The following ZNF283 variants were observed in gnomAD, a reference collection of about 807,000 sequenced individuals.
ZNF283 encodes the protein zinc finger protein 283.
A neutral mutation model predicts 9.2 loss-of-function variants in ZNF283; 10 were observed. The observed-to-expected ratio is 1.09, with a 90% CI of 0.67 to 1.85. ZNF283 has a LOEUF of 1.85. Ranked by LOEUF, ZNF283 falls within the 40% of genes most tolerant of loss-of-function variation. ZNF283 has a pLI of 0.00. For missense variants in ZNF283, 631 were observed against 760.1 expected (o/e 0.83, Z 2.00); for synonymous variants, 234 against 244.1 (o/e 0.96, Z 0.38).
chr19:43,836,055 A>G (rs956934736), intron 5 of ZNF283, among the ~76,000 whole-genome samples: 36 of 152,200 alleles, frequency 2.4e-4, no homozygotes, highest in African/African-American at 8.4e-4. Context: ...AACAGATAAG[A>G]TGATGCCTAA....
chr19:43,846,840 C>A, intron 6 of ZNF283, 99 bp from the exon 7 acceptor site: 1 of 931,696 alleles, frequency 1.1e-6, no homozygotes, highest in Non-Finnish European at 1.5e-6. Flanking sequence ...GGAGTGAGTT[C>A]AGTAAGTCTC....
chr19:43,841,027 A>G (rs1971191111), intron 6 of ZNF283: 2 of 151,938 alleles, frequency 1.3e-5, no homozygotes, highest in African/African-American at 2.4e-5. Flanking sequence ...TTCCAGCTCA[A>G]TTGTTGCTTT....
rs1445481610 is a variant in ZNF283 at position 43,851,676 on chromosome 19, C to T, written c.*3035C>T. 3 of 152,326 alleles carry T rather than the reference C, an allele frequency of 2.0e-5. No individual in the cohort carries two copies. The highest frequency in any genetic ancestry group is 7.2e-5 in the African/African-American group (3 of 41,546). The allele number at this position is 152,326 out of a possible 1,614,324, so 9.4% of individuals were successfully genotyped here. ...AGCTTGCAGTGAGCCGAGATTGCGCCACTGCACTCCAGCCTGGGCGACAGA... is the reference window on the plus strand; with the variant it reads ...AGCTTGCAGTGAGCCGAGATTGCGCTACTGCACTCCAGCCTGGGCGACAGA... On this transcript the variant is annotated 3_prime_UTR_variant, in exon 7 of 7. Transcript: ENST00000618787.
Position 43,827,398 on chromosome 19 carries a change from T to A in ZNF283, c.-191T>A, listed in dbSNP as rs1970519279. 6.6e-6 allele frequency: 1 copy of A among 152,216 alleles called. No homozygotes were observed. Among genetic ancestry groups the A allele is most frequent in the Non-Finnish European group, 1.5e-5 (1 of 68,122 alleles). 9.4% of individuals were successfully genotyped at this position (152,216 alleles called of 1,614,324 possible). On this transcript the variant is annotated 5_prime_UTR_variant, in exon 1 of 7. Coordinates refer to ENST00000618787, the MANE Select transcript of ZNF283 (RefSeq NM_181845.2). ...CCTCTGGGTCCAAACTAACCACAGG[T>A]CTCTGGGTCCTTTTCCGGTGTCCTT...
chr19:43,842,700 T>C (rs1282939892), intron 6 of ZNF283, among the ~76,000 whole-genome samples: 1 of 152,186 alleles, frequency 6.6e-6, no homozygotes, highest in Non-Finnish European at 1.5e-5. Context: ...CTCATAACAA[T>C]ACTGAGAGGT....
At position 43,837,034 on chromosome 19, in the gene ZNF283, C is replaced by T. The variant is rs377544306; in HGVS notation, c.211-19C>T. 109 of 1,613,092 alleles carry T rather than the reference C, an allele frequency of 6.8e-5. No homozygotes were observed. Among genetic ancestry groups the T allele is most frequent in the Middle Eastern group, 1.6e-4 (1 of 6,078 alleles). On this transcript the variant is annotated intron_variant, in intron 5 of 6. Transcript: ENST00000618787. The stretch of plus-strand genomic sequence containing the variant: ...GTTTTCTTTAATTTCACAAGTAATA[C>T]ATGGGTTTTTGGTTTTAGGGGTTGG...
chr19:43,835,240 T>C (rs1970917775), intron 4 of ZNF283, among the ~76,000 whole-genome samples: 1 of 151,306 alleles, frequency 6.6e-6, no homozygotes, highest in African/African-American at 2.5e-5. Context: ...TCCTGAGAGG[T>C]AGGAATGGAA....
intron 3 of ZNF283, among the ~76,000 whole-genome samples, chr19:43,831,653 G>A (rs1439987083): frequency 3.9e-5 from 6 of 151,932 alleles, no homozygotes; most frequent in Non-Finnish European, 1.5e-5. Context: ...TTTTGAGATA[G>A]TTTCTCATTC....
chr19:43,840,936 T>C (rs1258032982), intron 6 of ZNF283: 1 of 151,984 alleles, frequency 6.6e-6, no homozygotes, highest in East Asian at 1.9e-4. Flanking sequence ...TCTCCTGACC[T>C]CGTGATCCAC....
intron 6 of ZNF283, among the ~76,000 whole-genome samples, chr19:43,846,660 T>A (rs1011979318): frequency 6.6e-6 from 1 of 152,158 alleles, no homozygotes; most frequent in African/African-American, 2.4e-5. Context: ...GCTTGATTGA[T>A]GGAAGCTGAC....
rs1971610753 is a variant in ZNF283 at position 43,851,581 on chromosome 19, T to C, written c.*2940T>C. The C allele has an allele frequency of 6.6e-6, 1 of 152,216 alleles. No homozygotes were observed. The highest frequency in any genetic ancestry group is 1.5e-5 in the Non-Finnish European group (1 of 68,142). 9.4% of individuals were successfully genotyped at this position (152,216 alleles called of 1,614,324 possible). The stretch of plus-strand genomic sequence containing the variant: ...AATAGAAAAAATTAGCCGGGCGTGG[T>C]GGCGGGCGCCTGTGGTCCCAGCTAC... On this transcript the variant is annotated 3_prime_UTR_variant, in exon 7 of 7. Coordinates refer to ENST00000618787, the MANE Select transcript of ZNF283 (RefSeq NM_181845.2).
intron 2 of ZNF283, among the ~76,000 whole-genome samples, chr19:43,830,875 C>G (rs1970677627): frequency 1.5e-5 from 2 of 133,698 alleles, no homozygotes; most frequent in South Asian, 4.8e-4. Flanking sequence ...TGCACTCCAG[C>G]CTGAGTGACA....
At chr19:43,836,246 T>A (rs1056805803) in intron 5 of ZNF283, among the ~76,000 whole-genome samples, 1 of 152,238 alleles carries the variant, frequency 6.6e-6, no homozygotes, top group African/African-American at 2.4e-5. Context: ...CTAACAGTGA[T>A]GTATTTGAGT....
In ZNF283 at chr19:43,849,045, T is replaced by G. The variant is rs2146596174; in HGVS notation, c.*404T>G. 1 of 164,346 alleles carries G rather than the reference T, an allele frequency of 6.1e-6. No homozygotes were observed. The highest frequency in any genetic ancestry group is 1.6e-4 in the South Asian group (1 of 6,114). 10.2% of individuals were successfully genotyped at this position (164,346 alleles called of 1,614,324 possible). On this transcript the variant is annotated 3_prime_UTR_variant, in exon 7 of 7. Coordinates refer to ENST00000618787, the MANE Select transcript of ZNF283 (RefSeq NM_181845.2). ...CTGCACATCAGAGAATTCATACTGC[T>G]GTGTAATCCTATGCACATAAGGAAT...
chr19:43,847,758 G>C lies in ZNF283; in HGVS notation c.1157G>C (p.Trp386Ser). The C allele has an allele frequency of 6.2e-7, 1 of 1,613,386 alleles. No homozygotes were observed. The highest frequency in any genetic ancestry group is 8.5e-7 in the Non-Finnish European group (1 of 1,179,788). The part of the protein sequence containing the change: ...ECKICGKAFC[W>S]GYQLTRHQIF... ...AAAATATGTGGAAAGGCTTTTTGTT[G>C]GGGCTATCAACTTACTCGACATCAG... Residue 386 changes from tryptophan (W) to serine (S), a missense_variant, in exon 7 of 7, where the codon TGG becomes TCG. Physicochemically the swap from Trp to Ser is radical, Grantham distance 177. Around this residue, in one of 3 missense-constraint regions of ZNF283, gnomAD observed 444 missense variants for 522.5 expected, o/e 0.85. Transcript: ENST00000618787.
Position 43,847,594 on chromosome 19 carries a change from C to G in ZNF283, c.993C>G (p.Gly331=). The G allele has an allele frequency of 1.2e-6, 2 of 1,602,048 alleles. No individual in the cohort carries two copies. The highest frequency in any genetic ancestry group is 1.7e-6 in the Non-Finnish European group (2 of 1,175,246). ...CKECGKAFFW[G]SSLAKHEIIH... ...AATGTGGGAAGGCCTTTTTTTGGGGCTCAAGCCTTGCTAAACATGAGATAA... is the reference window on the plus strand; with the variant it reads ...AATGTGGGAAGGCCTTTTTTTGGGGGTCAAGCCTTGCTAAACATGAGATAA... The change falls in exon 7 of 7, where the codon GGC becomes GGG. Residue 331 remains glycine, a synonymous_variant. Coordinates refer to ENST00000618787, the MANE Select transcript of ZNF283 (RefSeq NM_181845.2).
At position 43,837,160 on chromosome 19, in the gene ZNF283, T is replaced by C. The variant is rs774619518; in HGVS notation, c.318T>C (p.Tyr106=). 1.2e-6 allele frequency: 2 copies of C among 1,610,742 alleles called. No homozygotes were observed. Among genetic ancestry groups the C allele is most frequent in the Non-Finnish European group, 1.7e-6 (2 of 1,178,708 alleles). ...ACGTGGATGTAATGTTGGAGAACTA[T>C]AGTAACTTGGTGTCACTGGGTAAGG... ...DLYVDVMLEN[Y]SNLVSLDLES... Residue 106 remains tyrosine (Y), a synonymous_variant, in exon 6 of 7, where the codon TAT becomes TAC. Coordinates refer to ENST00000618787, the MANE Select transcript of ZNF283 (RefSeq NM_181845.2).
intron 2 of ZNF283, among the ~76,000 whole-genome samples, chr19:43,829,321 G>A (rs1359661102): frequency 6.6e-6 from 1 of 152,156 alleles, no homozygotes; most frequent in South Asian, 2.1e-4. Flanking sequence ...GGCGGTGGAG[G>A]TTGCAGTGAG....
Position 43,847,428 on chromosome 19 carries a change from C to G in ZNF283, c.827C>G (p.Ser276Ter). The G allele has an allele frequency of 6.2e-7, 1 of 1,613,866 alleles. No homozygotes were observed. Among genetic ancestry groups the G allele is most frequent in the South Asian group, 1.1e-5 (1 of 91,054 alleles). Reference protein sequence around the residue: ...KECGKTFSWGSSLVKHERIHT... With the variant: ...KECGKTFSWG ...TGTGGGAAGACCTTTAGCTGGGGAT[C>G]AAGCCTTGTTAAACATGAGAGAATT... Residue 276 changes from serine (S) to a stop codon, truncating the protein, a stop_gained, in exon 7 of 7, where the codon TCA (serine) becomes TGA (stop). Coordinates refer to ENST00000618787, the MANE Select transcript of ZNF283 (RefSeq NM_181845.2). LOFTEE classifies it low-confidence loss of function (END_TRUNC).
Sources: gnomAD v4.1 joint callset for allele counts (sites outside exome capture counted in the v4.1 genomes callset) on GRCh38, gnomAD v4.1.1 for gene constraint, gnomAD v4.1.1 regional missense constraint, MANE v1.5 for transcripts, NCBI Gene and HGNC (gene_info 2026-07-23, HGNC 2026-07-21) for gene names.